The following PPP1R42 variants were observed in gnomAD, a reference collection of about 807,000 sequenced individuals.
PPP1R42 encodes protein phosphatase 1 regulatory subunit 42.
PPP1R42 carries 34 observed loss-of-function variants against 31.0 expected under a neutral mutation model. The observed-to-expected ratio is 1.10, with a 90% CI of 0.83 to 1.46. The LOEUF (loss-of-function observed/expected upper bound fraction) is 1.46, where lower values mean the gene tolerates loss of function less well. Ranked by LOEUF, PPP1R42 falls within the 40% of genes most tolerant of loss-of-function variation. PPP1R42 has a pLI of 0.00. For missense variants in PPP1R42, 268 were observed against 303.0 expected (o/e 0.88, Z 0.86); for synonymous variants, 103 against 109.8 (o/e 0.94, Z 0.39).
Position 66,976,976 on chromosome 8 carries a change from A to G in PPP1R42, c.802+5073T>C, listed in dbSNP as rs1814694744. ...TCTTCTTCTTTTTTTAATTCAAGGAATTTTTTTAAATTCAAGGAAAATCTG... is the reference window on the plus strand; with the variant it reads ...TCTTCTTCTTTTTTTAATTCAAGGAGTTTTTTTAAATTCAAGGAAAATCTG... On this transcript the variant is annotated intron_variant, in intron 7 of 7. Transcript: ENST00000685739. 2.7e-5 allele frequency among the ~76,000 whole-genome samples: 4 copies of G among 148,624 alleles called. 1 individual carries two copies. In the South Asian group the frequency reaches 8.5e-4, roughly 31 times the overall value.
chr8:66,985,151 C>T (rs1267328072), intron 6 of PPP1R42: 5 of 1,152,534 alleles, frequency 4.3e-6, no homozygotes, highest in Non-Finnish European at 6.6e-6. Flanking sequence ...GTTTTTTGAG[C>T]TGCTTGTGAA....
intron 5 of PPP1R42, among the ~76,000 whole-genome samples, chr8:67,003,681 T>C (rs1815579015): frequency 6.6e-6 from 1 of 152,216 alleles, no homozygotes; most frequent in Non-Finnish European, 1.5e-5. Flanking sequence ...TTTCCCCCTA[T>C]TGCTGTGGTC....
chr8:66,998,462 A>AT (rs1815394810), intron 5 of PPP1R42, among the ~76,000 whole-genome samples: 5 of 152,196 alleles, frequency 3.3e-5, no homozygotes, highest in Non-Finnish European at 7.4e-5. Flanking sequence ...CAGATTTCTT[A>AT]TCATTTTATA....
chr8:67,010,035 G>A (rs1178275302), intron 5 of PPP1R42, among the ~76,000 whole-genome samples: 1 of 152,178 alleles, frequency 6.6e-6, no homozygotes, highest in African/African-American at 2.4e-5. Flanking sequence ...CTGTTTCGAG[G>A]AAGCCTTCTA....
Position 67,010,808 on chromosome 8 carries a change from G to T in PPP1R42, c.459C>A (p.Ile153=). 1.3e-6 allele frequency: 2 copies of T among 1,599,532 alleles called. No homozygotes were observed. Among genetic ancestry groups the T allele is most frequent in the South Asian group, 1.1e-5 (1 of 87,632 alleles). Residue 153 remains isoleucine (I), a synonymous_variant, in exon 5 of 8, where the codon ATC becomes ATA. Coordinates refer to ENST00000685739, the MANE Select transcript of PPP1R42 (RefSeq NM_001364910.1). ...SLAKSLCILN[I]SNNNIDDITD... Reference sequence around the variant, plus strand: ...TAATGTCATCAATATTATTATTGCTGATATTCAATATACAGAGGGATTTCT... The same window carrying T: ...TAATGTCATCAATATTATTATTGCTTATATTCAATATACAGAGGGATTTCT...
chr8:66,969,500 T>C (rs991659998), intron 7 of PPP1R42, among the ~76,000 whole-genome samples: 8 of 152,294 alleles, frequency 5.3e-5, no homozygotes, highest in Middle Eastern at 3.4e-3. Context: ...AAACGAGGAC[T>C]CCCTGCATAT....
At position 66,974,731 on chromosome 8, in the gene PPP1R42, T is replaced by G. The variant is rs1168024841; in HGVS notation, c.802+7318A>C. Among the ~76,000 whole-genome samples, 4 of 152,322 alleles carry G rather than the reference T, an allele frequency of 2.6e-5. No individual in the cohort carries two copies. In the East Asian group the frequency reaches 7.7e-4, roughly 29 times the overall value. ...CTTTGGAGGAACAAAAACCACTATT[T>G]GTTTAAGAGACTTTTCTTTCCCCAT... On this transcript the variant is annotated intron_variant, in intron 7 of 7. Transcript: ENST00000685739.
rs1815820293 is a variant in PPP1R42, at chr8:67,010,798, TA to T, written c.468del (p.Asn156LysfsTer9). The T allele has an allele frequency of 6.2e-7, 1 of 1,603,400 alleles. No individual in the cohort carries two copies. On this transcript the variant is annotated frameshift_variant, in exon 5 of 8. Coordinates refer to ENST00000685739, the MANE Select transcript of PPP1R42 (RefSeq NM_001364910.1). LOFTEE classifies it high-confidence loss of function. ...KSLCILNISNNNIDDITDLEL... is the reference protein window; with the variant it reads ...KSLCILNISNXNIDDITDLEL... ...TCTAAGTCTGTAATGTCATCAATATTATTATTGCTGATATTCAATATACAGA... is the reference window on the plus strand; with the variant it reads ...TCTAAGTCTGTAATGTCATCAATATTTTATTGCTGATATTCAATATACAGA...
At chr8:66,965,264 A>C (rs1170793411) in intron 7 of PPP1R42, among the ~76,000 whole-genome samples, 1 of 111,042 alleles carries the variant, frequency 9.0e-6, no homozygotes, top group Non-Finnish European at 1.8e-5. Context: ...ACTCCGTCTC[A>C]AAAAAAAAAA....
chr8:66,980,036 T>G (rs1329867431), intron 7 of PPP1R42, among the ~76,000 whole-genome samples: 1 of 152,138 alleles, frequency 6.6e-6, no homozygotes, highest in African/African-American at 2.4e-5. Context: ...TGTAAAATAC[T>G]AGAATCCTTA....
At chr8:66,989,097 CT>C (rs1380325336) in intron 5 of PPP1R42, among the ~76,000 whole-genome samples, 1 of 152,010 alleles carries the variant, frequency 6.6e-6, no homozygotes, top group East Asian at 1.9e-4. Flanking sequence ...AGCATAGGGA[CT>C]TTCGGGAGGG....
chr8:67,024,628 C>G (rs1274612806), intron 1 of PPP1R42, among the ~76,000 whole-genome samples: 1 of 151,978 alleles, frequency 6.6e-6, no homozygotes. Context: ...GCGCCTCCCA[C>G]CAAGCCCAGC....
chr8:66,984,815 GAGGCATC>G, intron 6 of PPP1R42: 1 of 1,604,776 alleles, frequency 6.2e-7, no homozygotes, highest in Non-Finnish European at 8.5e-7. Context: ...GGTTCTGGAG[GAGGCATC>G]AGGCCCAGCC....
At chr8:66,997,018 T>G (rs1815351610) in intron 5 of PPP1R42, among the ~76,000 whole-genome samples, 1 of 152,150 alleles carries the variant, frequency 6.6e-6, no homozygotes, top group African/African-American at 2.4e-5. Flanking sequence ...CTGGGTGTGG[T>G]GGCATGTGCC....
chr8:67,022,644 G>A (rs78407393), intron 1 of PPP1R42, among the ~76,000 whole-genome samples: 3,728 of 152,046 alleles, frequency 0.025, 174 homozygotes, highest in African/African-American at 0.085. Flanking sequence ...TTCTGAACAT[G>A]TTAAAGTTTT....
At chr8:66,988,583 G>T in intron 5 of PPP1R42, 66 bp from the exon 6 acceptor site, 1 of 1,408,296 alleles carries the variant, frequency 7.1e-7, no homozygotes, top group Non-Finnish European at 9.6e-7. Flanking sequence ...TAGCATGTCA[G>T]TTATTGTTTT....
intron 7 of PPP1R42, among the ~76,000 whole-genome samples, chr8:66,973,843 T>C (rs1215265500): frequency 1.3e-5 from 2 of 152,214 alleles, no homozygotes; most frequent in Non-Finnish European, 2.9e-5. Context: ...GTATTTGTCT[T>C]TCTTTGACCT....
intron 6 of PPP1R42, among the ~76,000 whole-genome samples, chr8:66,987,869 T>A (rs1193663375): frequency 6.6e-6 from 1 of 152,150 alleles, no homozygotes; most frequent in Non-Finnish European, 1.5e-5. Context: ...TCACTATTAA[T>A]CGAGTGTTTT....
chr8:67,002,831 T>C (rs1815540610), intron 5 of PPP1R42, among the ~76,000 whole-genome samples: 1 of 151,540 alleles, frequency 6.6e-6, no homozygotes, highest in African/African-American at 2.4e-5. Context: ...TAATCTACTT[T>C]TAATCCTATC....
Sources: allele counts gnomAD v4.1 joint callset (sites outside exome capture counted in the v4.1 genomes callset), GRCh38; gene constraint gnomAD v4.1.1; transcripts MANE v1.5; gene names NCBI Gene and HGNC (gene_info 2026-07-23, HGNC 2026-07-21).